MPDU1: variants seen among roughly 807,000 people sequenced by gnomAD.
The protein encoded by MPDU1 is mannose-P-dolichol utilization defect 1, also known as mannose-P-dolichol utilization defect 1 protein.
A neutral mutation model predicts 27.6 loss-of-function variants in MPDU1; 18 were observed. The ratio of observed to expected loss-of-function variants is 0.65; its 90% CI spans 0.45 to 0.97. The LOEUF is 0.97. MPDU1 is among the 50% of genes least tolerant of loss of function. The pLI is 0.00. For synonymous variants in MPDU1, 142 were observed against 131.1 expected, an observed-to-expected ratio of 1.08 and a Z score of -0.57; for missense variants, 279 against 297.4, an observed-to-expected ratio of 0.94 and a Z score of 0.46.
rs184076780 is a variant in MPDU1 at position 7,587,141 on chromosome 17, G to A, written c.508-20G>A. On this transcript the variant is annotated intron_variant, in intron 5 of 6. Transcript: ENST00000250124. ...GAAGAGCTCAGGTGACAGAGCCAAA[G>A]GTCTCAACTCCTCCCCTAGCTTCTC... is the stretch of plus-strand genomic sequence containing the variant. 1.2e-6 allele frequency: 2 copies of A among 1,612,146 alleles called. No homozygotes were observed. The highest frequency in any genetic ancestry group is 1.3e-5 in the African/African-American group (1 of 74,802).
At position 7,587,509 on chromosome 17, in the gene MPDU1, C is replaced by T; in HGVS notation, c.702C>T (p.Tyr234=). The T allele has an allele frequency of 6.2e-7, 1 of 1,613,724 alleles. No individual in the cohort carries two copies. The highest frequency in any genetic ancestry group is 8.5e-7 in the Non-Finnish European group (1 of 1,179,964). ...NGLIAAQLLF[Y]WNAKPPHKQK... is the part of the protein sequence containing the mutation. ...TCATCGCCGCCCAGCTGCTCTTCTACTGGAATGCAAAGCCTCCCCACAAGC... is the reference window on the plus strand; with the variant it reads ...TCATCGCCGCCCAGCTGCTCTTCTATTGGAATGCAAAGCCTCCCCACAAGC... Residue 234 remains tyrosine, a synonymous_variant, in exon 7 of 7, where the codon TAC becomes TAT. Coordinates refer to ENST00000250124, the MANE Select transcript of MPDU1 (RefSeq NM_004870.4).
In MPDU1 at chr17:7,586,099, C is replaced by T. The variant is rs74336587; in HGVS notation, c.302+21C>T. 40,350 of 1,612,516 alleles carry T rather than the reference C, an allele frequency of 0.025. 595 individuals are homozygous for T. The highest frequency in any genetic ancestry group is 0.028 in the Non-Finnish European group (33,202 of 1,179,680). Reference sequence around the variant, plus strand: ...TTCAGGTGAGGGGCCCACCCTTCCACCCCAAGGGTAATACCCACAACTCTA... The same window carrying T: ...TTCAGGTGAGGGGCCCACCCTTCCATCCCAAGGGTAATACCCACAACTCTA... On this transcript the variant is annotated intron_variant, in intron 3 of 6. Coordinates refer to ENST00000250124, the MANE Select transcript of MPDU1 (RefSeq NM_004870.4).
Position 7,587,845 on chromosome 17 carries a change from C to T in MPDU1, c.*294C>T. 1 of 543,994 alleles carries T rather than the reference C, an allele frequency of 1.8e-6. No homozygotes were observed. Among genetic ancestry groups the T allele is most frequent in the South Asian group, 1.5e-5 (1 of 65,346 alleles). The allele number at this position is 543,994 out of a possible 1,614,324, so 33.7% of individuals were successfully genotyped here. On this transcript the variant is annotated 3_prime_UTR_variant, in exon 7 of 7. Transcript: ENST00000250124. Reference sequence around the variant, plus strand: ...TCAGCCAAGCCTCCTCCTCTAGCAGCAATTTCCAGCTGTGTAACACTATCC... The same window carrying T: ...TCAGCCAAGCCTCCTCCTCTAGCAGTAATTTCCAGCTGTGTAACACTATCC...
intron 1 of MPDU1, chr17:7,584,333 C>T (rs1396065091): frequency 1.0e-5 from 5 of 496,176 alleles, no homozygotes; most frequent in East Asian, 3.7e-5. Context: ...CATTGCACCC[C>T]CAAAGGCTCC....
chr17:7,584,003 A>G (rs2071538723), intron 1 of MPDU1, 38 bp downstream of exon 1: 2 of 1,590,874 alleles, frequency 1.3e-6, no homozygotes, highest in African/African-American at 1.3e-5. Flanking sequence ...GTCCTACTCG[A>G]GTGACCGTGG....
chr17:7,585,534 CT>C (rs2071566670), intron 1 of MPDU1, among the ~76,000 whole-genome samples, 197 bp from the exon 2 acceptor site: 1 of 107,550 alleles, frequency 9.3e-6, no homozygotes, highest in Non-Finnish European at 2.3e-5. Context: ...AAGACTCTGT[CT>C]CCAAAAAAAA....
At chr17:7,586,438 T>A (rs1395068564) in intron 3 of MPDU1, 12 of 548,386 alleles carry the variant, frequency 2.2e-5, no homozygotes, top group Non-Finnish European at 3.9e-5. Flanking sequence ...AAACTCAGTC[T>A]TAAAAAAAAA....
rs908398461 is a variant in MPDU1 at position 7,588,151 on chromosome 17, A to C, written c.*600A>C. On this transcript the variant is annotated 3_prime_UTR_variant, in exon 7 of 7. Coordinates refer to ENST00000250124, the MANE Select transcript of MPDU1 (RefSeq NM_004870.4). ...GTTCCTGCTGCAGTGAGGGGAACAG[A>C]TGGGACAATAAAGACTGGAGACTCA... is the stretch of plus-strand genomic sequence containing the variant. 2 of 675,548 alleles carry C rather than the reference A, an allele frequency of 3.0e-6. No individual in the cohort carries two copies. Among genetic ancestry groups the C allele is most frequent in the African/African-American group, 3.5e-5 (2 of 56,594 alleles). 41.8% of individuals were successfully genotyped at this position (675,548 alleles called of 1,614,324 possible).
At chr17:7,584,959 C>G (rs1002898352) in intron 1 of MPDU1, among the ~76,000 whole-genome samples, 2 of 152,056 alleles carry the variant, frequency 1.3e-5, no homozygotes, top group African/African-American at 4.8e-5. Flanking sequence ...TGCCATTGCA[C>G]TCCAGCCTGG....
At chr17:7,586,621 G>A (rs986044683) in intron 3 of MPDU1, 71 bp from the exon 4 acceptor site, 2 of 1,304,122 alleles carry the variant, frequency 1.5e-6, no homozygotes, top group Non-Finnish European at 2.2e-6. Context: ...TCCCTGGATG[G>A]ATGGGCTATG....
At chr17:7,583,798 CA>C, upstream of MPDU1, 1 of 1,543,796 alleles carries the variant, frequency 6.5e-7, no homozygotes, top group Non-Finnish European at 9.0e-7. Flanking sequence ...GGAGTGTCCG[CA>C]GCGCGCACGC....
chr17:7,588,094 G>T lies in MPDU1; in HGVS notation c.*543G>T. On this transcript the variant is annotated 3_prime_UTR_variant, in exon 7 of 7. Coordinates refer to ENST00000250124, the MANE Select transcript of MPDU1 (RefSeq NM_004870.4). Reference sequence around the variant, plus strand: ...GGGTGAGGAGGTTCCTGCTCTGGCAGGTCTAGGCGGAAGGGAGTGGAGATG... The same window carrying T: ...GGGTGAGGAGGTTCCTGCTCTGGCATGTCTAGGCGGAAGGGAGTGGAGATG... The T allele has an allele frequency of 1.7e-6, 1 of 589,538 alleles. No individual in the cohort carries two copies. The allele number at this position is 589,538 out of a possible 1,614,324, so 36.5% of individuals were successfully genotyped here.
upstream of MPDU1, chr17:7,583,745 G>A (rs750892681): frequency 8.7e-6 from 9 of 1,037,346 alleles, no homozygotes; most frequent in African/African-American, 4.7e-5. Context: ...AAAGAGCGGG[G>A]CACGGGGCGG....
chr17:7,585,736 C>G lies in MPDU1; in HGVS notation c.108C>G (p.Pro36=). ...LFVQWDLLHV[P]CLKILLSKGL... is the part of the protein sequence containing the mutation. ...TACCCTTTTTTCTCTCCTCAGTCCCCTGCCTCAAGATTCTCCTCAGCAAAG... is the reference window on the plus strand; with the variant it reads ...TACCCTTTTTTCTCTCCTCAGTCCCGTGCCTCAAGATTCTCCTCAGCAAAG... The change falls in exon 2 of 7, where the codon CCC becomes CCG. Residue 36 remains proline, a synonymous_variant. Transcript: ENST00000250124. 6.2e-7 allele frequency: 1 copy of G among 1,614,126 alleles called. No homozygotes were observed. Among genetic ancestry groups the G allele is most frequent in the Non-Finnish European group, 8.5e-7 (1 of 1,180,004 alleles).
At position 7,587,407 on chromosome 17, in the gene MPDU1, C is replaced by T; in HGVS notation, c.619-19C>T. ...GAGCTATGCTGAAGGGTAACCCTGG[C>T]TCTGTCTCTTGCAACCAGGAAACCG... On this transcript the variant is annotated intron_variant, in intron 6 of 6. Coordinates refer to ENST00000250124, the MANE Select transcript of MPDU1 (RefSeq NM_004870.4). 1 of 1,614,060 alleles carries T rather than the reference C, an allele frequency of 6.2e-7. No individual in the cohort carries two copies. Among genetic ancestry groups the T allele is most frequent in the Non-Finnish European group, 8.5e-7 (1 of 1,180,010 alleles).
Position 7,583,917 on chromosome 17 carries a change from C to A in MPDU1, c.55C>A (p.Pro19Thr). Residue 19 changes from proline to threonine, a missense_variant, in exon 1 of 7, where the codon CCT becomes ACT. Transcript: ENST00000250124. ...LKRLLVPILL[P>T]EKCYDQLFVQ... ...ACGGCTGCTCGTGCCGATTCTTTTA[C>A]CTGAGAAATGCTACGACCAACTTTT... The A allele has an allele frequency of 6.2e-7, 1 of 1,614,198 alleles. No individual in the cohort carries two copies. Among genetic ancestry groups the A allele is most frequent in the Non-Finnish European group, 8.5e-7 (1 of 1,180,044 alleles).
At chr17:7,584,063 GC>G in intron 1 of MPDU1, 98 bp downstream of exon 1, 2 of 1,204,480 alleles carry the variant, frequency 1.7e-6, no homozygotes, top group Non-Finnish European at 2.4e-6. Flanking sequence ...AGTGACTGCC[GC>G]CATGCCGAGC....
At chr17:7,587,398 T>C in intron 6 of MPDU1, 28 bp from the exon 7 acceptor site, 2 of 1,613,962 alleles carry the variant, frequency 1.2e-6, no homozygotes, top group Non-Finnish European at 1.7e-6. Context: ...TGCTGAAGGG[T>C]AACCCTGGCT....
Position 7,587,121 on chromosome 17 carries a change from G to C in MPDU1, c.508-40G>C, listed in dbSNP as rs1360840637. The C allele has an allele frequency of 4.4e-6, 7 of 1,603,902 alleles. No homozygotes were observed. In the South Asian group the frequency reaches 6.6e-5, roughly 15 times the overall value. ...TTGTACTTGGGGGAGCATGGGAAGA[G>C]CTCAGGTGACAGAGCCAAAGGTCTC... On this transcript the variant is annotated intron_variant, in intron 5 of 6. Coordinates refer to ENST00000250124, the MANE Select transcript of MPDU1 (RefSeq NM_004870.4).
Sources: gnomAD v4.1 joint callset for allele counts (sites outside exome capture counted in the v4.1 genomes callset) on GRCh38, gnomAD v4.1.1 for gene constraint, MANE v1.5 for transcripts, NCBI Gene and HGNC (gene_info 2026-07-23, HGNC 2026-07-21) for gene names.